NRG2: variants seen among roughly 807,000 people sequenced by gnomAD.
NRG2 encodes the protein neuregulin 2, also known as pro-neuregulin-2, membrane-bound isoform.
A neutral mutation model predicts 73.9 loss-of-function variants in NRG2; 27 were observed. That is an observed-to-expected ratio of 0.37 (90% CI 0.27 to 0.50). The LOEUF is 0.50. NRG2 is among the 20% of genes least tolerant of loss of function. The pLI is 0.96. For synonymous variants in NRG2, 532 were observed against 541.0 expected (o/e 0.98, Z 0.23); for missense variants, 1,126 against 1,210.1 (o/e 0.93, Z 1.03).
intron 1 of NRG2, among the ~76,000 whole-genome samples, chr5:139,946,866 G>C (rs1444400364): frequency 6.6e-6 from 1 of 151,942 alleles, no homozygotes; most frequent in Non-Finnish European, 1.5e-5. Flanking sequence ...CAAAGGGTAT[G>C]AATACATATT....
intron 1 of NRG2, among the ~76,000 whole-genome samples, chr5:139,984,471 G>T (rs180863290): frequency 1.3e-5 from 2 of 152,114 alleles, no homozygotes; most frequent in African/African-American, 4.8e-5. Flanking sequence ...GAAAATTTCC[G>T]AGACTTTATT....
At chr5:139,873,803 C>A (rs146639585) in intron 3 of NRG2, among the ~76,000 whole-genome samples, 1 of 152,220 alleles carries the variant, frequency 6.6e-6, no homozygotes, top group African/African-American at 2.4e-5. Flanking sequence ...CTGGGTTGGC[C>A]GGGGCCACAG....
rs558416989 is a variant in NRG2 at position 139,856,640 on chromosome 5, C to G, written c.1190-862G>C. ...GCTGGACCTCAATGCCTTGGCAGAGCCCTGGGAAATGTCCCTAACCTCTTG... is the reference window on the plus strand; with the variant it reads ...GCTGGACCTCAATGCCTTGGCAGAGGCCTGGGAAATGTCCCTAACCTCTTG... On this transcript the variant is annotated intron_variant, in intron 5 of 9. Coordinates refer to ENST00000361474, the MANE Select transcript of NRG2 (RefSeq NM_004883.3). This position sits in a 1 kb window ranked among gnomAD's most constrained non-coding sequence, Gnocchi z 4.2. Among the ~76,000 whole-genome samples the G allele has an allele frequency of 1.6e-4, 25 of 152,300 alleles. No homozygotes were observed. The highest frequency in any genetic ancestry group is 1.2e-3 in the Admixed American group (18 of 15,304).
rs367804259 is a variant in NRG2, at chr5:139,904,412, C to A, written c.701-16901G>T. 96 of 1,481,608 alleles carry A rather than the reference C, an allele frequency of 6.5e-5. No individual in the cohort carries two copies. In the African/African-American group the frequency reaches 1.1e-3, roughly 17 times the overall value. 91.8% of individuals were successfully genotyped at this position (1,481,608 alleles called of 1,614,324 possible). ...GACTCCGACATTCTGCACGGGGTCC[C>A]AGGCGGTGGGACGGCCTCAGCTCTC... On this transcript the variant is annotated intron_variant, in intron 1 of 9. Coordinates refer to ENST00000361474, the MANE Select transcript of NRG2 (RefSeq NM_004883.3). The surrounding 1 kb of genome is among the most constrained non-coding windows in gnomAD (Gnocchi z 6.0).
At chr5:139,983,937 A>G (rs1756987935) in intron 1 of NRG2, among the ~76,000 whole-genome samples, 1 of 152,156 alleles carries the variant, frequency 6.6e-6, no homozygotes, top group African/African-American at 2.4e-5. Flanking sequence ...AATAGACACT[A>G]ATTCAACTGC....
chr5:139,974,147 C>A (rs1756199124), intron 1 of NRG2, among the ~76,000 whole-genome samples: 1 of 152,090 alleles, frequency 6.6e-6, no homozygotes, highest in South Asian at 2.1e-4. Flanking sequence ...AAAAATGTTT[C>A]ATTCAGGTAA....
chr5:139,855,704 C>T lies in NRG2; in HGVS notation c.1264G>A (p.Val422Ile), dbSNP rs773872580. 29 of 1,613,930 alleles carry T rather than the reference C, an allele frequency of 1.8e-5. No homozygotes were observed. The highest frequency in any genetic ancestry group is 1.1e-4 in the African/African-American group (8 of 74,914). The change falls in exon 6 of 10, where the codon GTC becomes ATC. Residue 422 changes from valine to isoleucine, a missense_variant. Coordinates refer to ENST00000361474, the MANE Select transcript of NRG2 (RefSeq NM_004883.3). Reference sequence around the variant, plus strand: ...GTCTTGCAGTAGGCCACCACACAGACGATGCCCACGACCAGCAGAGCCACG... The same window carrying T: ...GTCTTGCAGTAGGCCACCACACAGATGATGCCCACGACCAGCAGAGCCACG... ...ICVALLVVGI[V>I]CVVAYCKTKK...
intron 1 of NRG2, among the ~76,000 whole-genome samples, chr5:139,987,246 G>A (rs1227336769): frequency 6.6e-6 from 1 of 151,376 alleles, no homozygotes; most frequent in African/African-American, 2.4e-5. Flanking sequence ...CGAGCGTGGC[G>A]GTGAGCGCCT....
intron 1 of NRG2, among the ~76,000 whole-genome samples, chr5:139,985,322 A>G (rs1208730899): frequency 6.6e-6 from 1 of 151,450 alleles, no homozygotes; most frequent in Non-Finnish European, 1.5e-5. Flanking sequence ...CCTGGGTGAC[A>G]GAGCAAGACT....
In NRG2 at chr5:139,887,596, T is replaced by A; in HGVS notation, c.701-85A>T. ...GTAGTGGAGAGTAAGGGCCACTGTC[T>A]TTGGGCTGGAACTGGGGAAGGGAAG... On this transcript the variant is annotated intron_variant, in intron 1 of 9. Coordinates refer to ENST00000361474, the MANE Select transcript of NRG2 (RefSeq NM_004883.3). The surrounding 1 kb of genome is among the most constrained non-coding windows in gnomAD (Gnocchi z 4.5). 1 of 1,280,024 alleles carries A rather than the reference T, an allele frequency of 7.8e-7. No homozygotes were observed. 79.3% of individuals were successfully genotyped at this position (1,280,024 alleles called of 1,614,324 possible).
intron 1 of NRG2, among the ~76,000 whole-genome samples, chr5:139,903,487 A>G (rs1398465262): frequency 1.3e-5 from 2 of 152,152 alleles, no homozygotes; most frequent in Admixed American, 6.5e-5. Context: ...GGTTTCCCCA[A>G]TTGGGCCCCA....
chr5:139,889,796 T>C (rs1764091050), intron 1 of NRG2, among the ~76,000 whole-genome samples: 2 of 152,278 alleles, frequency 1.3e-5, no homozygotes, highest in South Asian at 4.2e-4. Flanking sequence ...TAGATTTGTG[T>C]CCAAGAATTA....
chr5:139,891,270 G>A (rs6893652), intron 1 of NRG2, among the ~76,000 whole-genome samples: 31,312 of 152,048 alleles, frequency 0.21, 3,611 homozygotes, highest in African/African-American at 0.31. Context: ...GGGATGTGTT[G>A]CATAGAGACT....
chr5:139,865,173 C>T lies in NRG2; in HGVS notation c.1189+376G>A, dbSNP rs763910161. 3.7e-6 allele frequency: 6 copies of T among 1,613,492 alleles called. No individual in the cohort carries two copies. The highest frequency in any genetic ancestry group is 4.2e-6 in the Non-Finnish European group (5 of 1,179,472). On this transcript the variant is annotated intron_variant, in intron 5 of 9. Coordinates refer to ENST00000361474, the MANE Select transcript of NRG2 (RefSeq NM_004883.3). The surrounding 1 kb of genome is among the most constrained non-coding windows in gnomAD (Gnocchi z 5.2). ...TGTCCCCGGTGTATCCCACAGGACA[C>T]CTACCAAAAGAAAGAAAACCAGAAA... is the stretch of plus-strand genomic sequence containing the variant.
chr5:140,020,900 T>A (rs1308424377), intron 1 of NRG2, among the ~76,000 whole-genome samples: 1 of 152,116 alleles, frequency 6.6e-6, no homozygotes, highest in Non-Finnish European at 1.5e-5. Context: ...GGTGAGTACA[T>A]CTCGGAGCCA....
intron 1 of NRG2, among the ~76,000 whole-genome samples, chr5:139,978,361 C>A (rs1756532280): frequency 1.3e-5 from 2 of 152,180 alleles, no homozygotes; most frequent in African/African-American, 4.8e-5. Context: ...TAATCACTGG[C>A]CATCAGAGAA....
intron 1 of NRG2, among the ~76,000 whole-genome samples, chr5:139,893,864 G>A (rs1465550087): frequency 6.6e-6 from 1 of 152,148 alleles, no homozygotes; most frequent in African/African-American, 2.4e-5. Context: ...AAAACTTTAG[G>A]ACACCTCCCC....
intron 1 of NRG2, among the ~76,000 whole-genome samples, chr5:139,989,822 CCTTT>C (rs1757445996): frequency 6.7e-6 from 1 of 149,852 alleles, no homozygotes; most frequent in Admixed American, 6.7e-5. Flanking sequence ...CAGAGTCTTG[CCTTT>C]TGCCCAGGCC....
chr5:139,852,879 A>G lies in NRG2; in HGVS notation c.1416+25T>C. On this transcript the variant is annotated intron_variant, in intron 7 of 9. Transcript: ENST00000361474. The surrounding 1 kb of genome is among the most constrained non-coding windows in gnomAD (Gnocchi z 4.4). ...GCTGGCTGTCCACTGAGGGCTCAGA[A>G]GGGGGCCCCAGGAAAGCCACTCACA... 9 of 1,613,072 alleles carry G rather than the reference A, an allele frequency of 5.6e-6. No homozygotes were observed. Among genetic ancestry groups the G allele is most frequent in the Non-Finnish European group, 7.6e-6 (9 of 1,179,720 alleles).
Sources: gnomAD v4.1 joint callset for allele counts (sites outside exome capture counted in the v4.1 genomes callset) on GRCh38, gnomAD v4.1.1 for gene constraint, Gnocchi (gnomAD v3.1) non-coding constraint, MANE v1.5 for transcripts, NCBI Gene and HGNC (gene_info 2026-07-23, HGNC 2026-07-21) for gene names.